Variants in PECAM1 observed in about 807,000 individuals in gnomAD.
The protein encoded by PECAM1 is platelet endothelial cell adhesion molecule.
A neutral mutation model predicts 13.8 loss-of-function variants in PECAM1; 8 were observed. That is an observed-to-expected ratio of 0.58 (90% CI 0.34 to 1.05). The LOEUF (loss-of-function observed/expected upper bound fraction) is 1.05. Ranked by LOEUF, PECAM1 falls within the 50% of genes least tolerant of loss-of-function variation. The pLI is 0.03. For synonymous variants in PECAM1, 136 were observed against 52.6 expected, an observed-to-expected ratio of 2.58 and a Z score of -6.86; for missense variants, 304 against 141.2, an observed-to-expected ratio of 2.15 and a Z score of -5.84.
At chr17:64,327,619 A>C (rs1214436193) in intron 15 of PECAM1, among the ~76,000 whole-genome samples, 1 of 152,170 alleles carries the variant, frequency 6.6e-6, no homozygotes, top group Non-Finnish European at 1.5e-5. Flanking sequence ...GTCCAGATTC[A>C]CCCCTTTCAT....
At chr17:64,346,892 C>T (rs1350292288) in intron 13 of PECAM1, among the ~76,000 whole-genome samples, 1 of 152,114 alleles carries the variant, frequency 6.6e-6, no homozygotes, top group Non-Finnish European at 1.5e-5. Context: ...GCAAAGCACT[C>T]GATATCTTGA....
chr17:64,322,250 G>A lies in PECAM1; in HGVS notation c.*1566C>T, dbSNP rs782001979. The A allele has an allele frequency of 4.2e-5, 16 of 381,116 alleles. No individual in the cohort carries two copies. The highest frequency in any genetic ancestry group is 5.8e-5 in the Non-Finnish European group (16 of 275,952). 23.6% of individuals were successfully genotyped at this position (381,116 alleles called of 1,614,324 possible). A position where few individuals can be genotyped will look rare whatever the true frequency, so the allele number is the denominator to read the frequency against. Reference sequence around the variant, plus strand: ...AAAATACAAAAATTAGCCAGGCGTGGTGACATGTGCCTGTAATCCCAGCTA... The same window carrying A: ...AAAATACAAAAATTAGCCAGGCGTGATGACATGTGCCTGTAATCCCAGCTA... On this transcript the variant is annotated 3_prime_UTR_variant, in exon 16 of 16. Transcript: ENST00000563924.
At position 64,320,810 on chromosome 17, in the gene PECAM1, T is replaced by C. The variant is rs1421179364; in HGVS notation, c.*3006A>G. On this transcript the variant is annotated 3_prime_UTR_variant, in exon 16 of 16. Transcript: ENST00000563924. ...TAACTGGATGCTTCTGTGCAGAGTT[T>C]CTCAACCTGGCCATTATTGGCATTT... The C allele has an allele frequency of 6.6e-6, 1 of 152,244 alleles. No homozygotes were observed. The highest frequency in any genetic ancestry group is 1.5e-5 in the Non-Finnish European group (1 of 68,062). The allele number at this position is 152,244 out of a possible 1,614,324, so 9.4% of individuals were successfully genotyped here. A position where few individuals can be genotyped will look rare whatever the true frequency, so the allele number is the denominator to read the frequency against.
intron 14 of PECAM1, among the ~76,000 whole-genome samples, chr17:64,338,043 A>C (rs2035328423): frequency 6.6e-6 from 1 of 151,102 alleles, no homozygotes; most frequent in African/African-American, 2.4e-5. Flanking sequence ...GAAGAAAATT[A>C]AGTTTTTTGG....
At chr17:64,385,700 G>T (rs1483176379) in intron 2 of PECAM1, among the ~76,000 whole-genome samples, 1 of 152,184 alleles carries the variant, frequency 6.6e-6, no homozygotes, top group Non-Finnish European at 1.5e-5. Context: ...ATATCAGTAA[G>T]CACCAAGAGG....
In PECAM1 at chr17:64,322,233, A is replaced by G. The variant is rs1186051374; in HGVS notation, c.*1583T>C. On this transcript the variant is annotated 3_prime_UTR_variant, in exon 16 of 16. Transcript: ENST00000563924. ...AAACCCCATCTCTACTAAAAATACA[A>G]AAATTAGCCAGGCGTGGTGACATGT... 1 of 416,240 alleles carries G rather than the reference A, an allele frequency of 2.4e-6. No homozygotes were observed. Among genetic ancestry groups the G allele is most frequent in the African/African-American group, 2.2e-5 (1 of 45,962 alleles). The allele number at this position is 416,240 out of a possible 1,614,324, so 25.8% of individuals were successfully genotyped here.
At chr17:64,389,041 C>A (rs1241203129) in intron 2 of PECAM1, among the ~76,000 whole-genome samples, 1 of 152,148 alleles carries the variant, frequency 6.6e-6, no homozygotes, top group Admixed American at 6.6e-5. Flanking sequence ...GATATCCTGC[C>A]TCCGTGGGTT....
At chr17:64,345,498 A>T (rs1261537676) in intron 13 of PECAM1, among the ~76,000 whole-genome samples, 4 of 151,948 alleles carry the variant, frequency 2.6e-5, no homozygotes, top group Non-Finnish European at 5.9e-5. Flanking sequence ...GGATCACCTG[A>T]GGTCAGGAGT....
intron 14 of PECAM1, among the ~76,000 whole-genome samples, chr17:64,334,628 C>A (rs2143702250): frequency 6.6e-6 from 1 of 152,200 alleles, no homozygotes; most frequent in South Asian, 2.1e-4. Flanking sequence ...CCTGCCTCAG[C>A]CTCCCATGTA....
intron 9 of PECAM1, 50 bp from the exon 10 acceptor site, chr17:64,353,568 C>A (rs1272262403): frequency 2.2e-6 from 1 of 456,982 alleles, no homozygotes; most frequent in Non-Finnish European, 4.0e-6. Context: ...TACCCACATC[C>A]ATACCACTAT....
intron 2 of PECAM1, among the ~76,000 whole-genome samples, chr17:64,379,851 C>G (rs1183575338): frequency 6.6e-6 from 1 of 151,168 alleles, no homozygotes; most frequent in Non-Finnish European, 1.5e-5. Context: ...TGGCAAAACC[C>G]TGACTCTACA....
intron 2 of PECAM1, among the ~76,000 whole-genome samples, chr17:64,385,300 T>C (rs2036569085): frequency 6.6e-6 from 1 of 152,150 alleles, no homozygotes; most frequent in Non-Finnish European, 1.5e-5. Context: ...AGTGGGACCT[T>C]GACCTCAAGG....
At chr17:64,353,655 T>C (rs1196676743) in intron 9 of PECAM1, 137 bp from the exon 10 acceptor site, 3 of 404,442 alleles carry the variant, frequency 7.4e-6, no homozygotes, top group Non-Finnish European at 1.3e-5. Flanking sequence ...GTTTTACTCC[T>C]AGTAAGCTGT....
intron 5 of PECAM1, among the ~76,000 whole-genome samples, chr17:64,364,500 C>T (rs1045439292): frequency 0.01 from 1,535 of 152,094 alleles, 27 homozygotes; most frequent in African/African-American, 0.035. Flanking sequence ...ATACCAAAGC[C>T]GGGCAGAGAT....
At chr17:64,368,853 A>G (rs1475777270) in intron 5 of PECAM1, among the ~76,000 whole-genome samples, 23 of 150,268 alleles carry the variant, frequency 1.5e-4, no homozygotes, top group African/African-American at 5.4e-4. Context: ...ACTTTGTCTC[A>G]AAAAAGAAAA....
Position 64,323,417 on chromosome 17 carries a change from G to A in PECAM1, c.*399C>T, listed in dbSNP as rs1327588741. ...AAACCAGCCTCTAACCAGGCCATGC[G>A]CTAGAAATGATTGAGTATAAAAAAG... On this transcript the variant is annotated 3_prime_UTR_variant, in exon 16 of 16. Transcript: ENST00000563924. 52 of 1,132,588 alleles carry A rather than the reference G, an allele frequency of 4.6e-5. No homozygotes were observed. Among genetic ancestry groups the A allele is most frequent in the South Asian group, 6.4e-5 (3 of 47,184 alleles). The allele number at this position is 1,132,588 out of a possible 1,614,324, so 70.2% of individuals were successfully genotyped here.
intron 12 of PECAM1, among the ~76,000 whole-genome samples, chr17:64,349,904 A>T (rs1233470375): frequency 6.6e-6 from 1 of 152,208 alleles, no homozygotes; most frequent in Non-Finnish European, 1.5e-5. Flanking sequence ...AACAAAAAAA[A>T]GAAAGAAAGG....
At chr17:64,332,219 C>T (rs528630239) in intron 14 of PECAM1, among the ~76,000 whole-genome samples, 13 of 152,240 alleles carry the variant, frequency 8.5e-5, no homozygotes, top group African/African-American at 2.9e-4. Flanking sequence ...GATGAATCAG[C>T]CCAACGCTAA....
At chr17:64,375,591 G>T (rs892114668) in intron 3 of PECAM1, among the ~76,000 whole-genome samples, 7 of 152,070 alleles carry the variant, frequency 4.6e-5, no homozygotes, top group African/African-American at 1.4e-4. Flanking sequence ...AGGCTGAGGT[G>T]GGTGGATCTC....
Sources: gnomAD v4.1 joint callset for allele counts (sites outside exome capture counted in the v4.1 genomes callset) on GRCh38, gnomAD v4.1.1 for gene constraint, MANE v1.5 for transcripts, NCBI Gene and HGNC (gene_info 2026-07-23, HGNC 2026-07-21) for gene names.